The following CPNE3 variants were observed in gnomAD, a reference collection of about 807,000 sequenced individuals.
CPNE3 encodes the protein copine 3.
In CPNE3, 68 loss-of-function variants were observed where a neutral mutation model predicts 63.9. That is an observed-to-expected ratio of 1.06 (90% CI 0.87 to 1.30). CPNE3 has a LOEUF of 1.30. Among genes scored for constraint, CPNE3 ranks in the 50% most tolerant of loss-of-function variants. The pLI, the probability that CPNE3 is intolerant of heterozygous loss-of-function variation, is 0.00. For synonymous variants in CPNE3, 219 were observed against 197.5 expected, an observed-to-expected ratio of 1.11 and a Z score of -0.91; for missense variants, 665 against 578.1, an observed-to-expected ratio of 1.15 and a Z score of -1.54.
At chr8:86,536,725 C>G (rs9650129) in intron 6 of CPNE3, among the ~76,000 whole-genome samples, 36,866 of 152,006 alleles carry the variant, frequency 0.24, 4,645 homozygotes, top group Non-Finnish European at 0.27. Context: ...TAAATGTTAA[C>G]GAGTATGCAC....
chr8:86,553,124 G>A (rs1030138745), intron 14 of CPNE3, among the ~76,000 whole-genome samples: 8 of 151,486 alleles, frequency 5.3e-5, no homozygotes, highest in Admixed American at 6.6e-5. Flanking sequence ...TCTGCCTCCC[G>A]AAGTGCTGAG....
At chr8:86,517,952 A>G (rs1392811859) in intron 2 of CPNE3, among the ~76,000 whole-genome samples, 8 of 152,192 alleles carry the variant, frequency 5.3e-5, no homozygotes, top group Non-Finnish European at 1.0e-4. Context: ...AAAACAGCTG[A>G]AACGATGTGT....
At chr8:86,550,742 C>T (rs367667905) in intron 12 of CPNE3, among the ~76,000 whole-genome samples, 5 of 152,168 alleles carry the variant, frequency 3.3e-5, no homozygotes, top group African/African-American at 1.2e-4. Flanking sequence ...TTTATTTACT[C>T]ATTTGATCAC....
Position 86,560,152 on chromosome 8 carries a change from A to C in CPNE3, c.*1742A>C, listed in dbSNP as rs1030500526. 1.3e-5 allele frequency: 2 copies of C among 152,196 alleles called. No homozygotes were observed. Among genetic ancestry groups the C allele is most frequent in the African/African-American group, 2.4e-5 (1 of 41,428 alleles). The allele number at this position is 152,196 out of a possible 1,614,324, so 9.4% of individuals were successfully genotyped here. A position where few individuals can be genotyped will look rare whatever the true frequency, so the allele number is the denominator to read the frequency against. On this transcript the variant is annotated 3_prime_UTR_variant, in exon 17 of 17. Transcript: ENST00000517490. ...CATAGTATGGCTCAATAGATGACACATCATTTTGACATTATCAATAGGAGA... is the reference window on the plus strand; with the variant it reads ...CATAGTATGGCTCAATAGATGACACCTCATTTTGACATTATCAATAGGAGA...
At chr8:86,535,204 T>G (rs1820776574) in intron 6 of CPNE3, among the ~76,000 whole-genome samples, 2 of 152,166 alleles carry the variant, frequency 1.3e-5, no homozygotes, top group South Asian at 4.1e-4. Context: ...GAACCTTACT[T>G]TATTTTGGTG....
At chr8:86,528,223 T>G (rs1820582738) in intron 2 of CPNE3, among the ~76,000 whole-genome samples, 1 of 152,132 alleles carries the variant, frequency 6.6e-6, no homozygotes, top group South Asian at 2.1e-4. Flanking sequence ...GTGCTGGGAT[T>G]ACAGGCATGA....
At chr8:86,553,749 G>GT (rs35185836) in intron 14 of CPNE3, among the ~76,000 whole-genome samples, 42,611 of 137,646 alleles carry the variant, frequency 0.31, 6,711 homozygotes, top group Non-Finnish European at 0.35. Context: ...TTTACATTAA[G>GT]TTTTTTTTTT....
intron 16 of CPNE3, 123 bp from the exon 17 acceptor site, chr8:86,558,165 G>C: frequency 4.4e-6 from 3 of 683,596 alleles, no homozygotes; most frequent in Non-Finnish European, 5.2e-6. Flanking sequence ...CCTAAGAAAA[G>C]GTACAGGCCT....
intron 11 of CPNE3, 37 bp from the exon 12 acceptor site, chr8:86,548,264 C>A (rs1274269318): frequency 1.9e-6 from 3 of 1,610,100 alleles, no homozygotes; most frequent in Admixed American, 1.7e-5. Context: ...GTGTCCCTGC[C>A]TTCTCCTTAC....
chr8:86,550,909 T>G, intron 12 of CPNE3, 137 bp from the exon 13 acceptor site: 1 of 793,190 alleles, frequency 1.3e-6, no homozygotes, highest in Non-Finnish European at 1.9e-6. Flanking sequence ...TTGATTCTCT[T>G]TGGCAGTTAA....
intron 7 of CPNE3, among the ~76,000 whole-genome samples, chr8:86,539,924 CA>C (rs1452557846): frequency 1.3e-5 from 2 of 152,094 alleles, no homozygotes; most frequent in Admixed American, 1.3e-4. Context: ...CTCGGCCTCC[CA>C]AAGTGTGGGG....
chr8:86,517,235 C>T (rs1820335679), intron 2 of CPNE3, among the ~76,000 whole-genome samples: 1 of 152,042 alleles, frequency 6.6e-6, no homozygotes, highest in African/African-American at 2.4e-5. Flanking sequence ...ATTATGGTCA[C>T]ATTTACCAAT....
chr8:86,558,091 G>A (rs867422768), intron 16 of CPNE3, among the ~76,000 whole-genome samples, 197 bp from the exon 17 acceptor site: 1 of 152,110 alleles, frequency 6.6e-6, no homozygotes, highest in Admixed American at 6.5e-5. Flanking sequence ...ATGTTAGCAG[G>A]GATAGTAATA....
At chr8:86,553,498 T>G (rs542875397) in intron 14 of CPNE3, among the ~76,000 whole-genome samples, 7 of 152,216 alleles carry the variant, frequency 4.6e-5, no homozygotes, top group Non-Finnish European at 1.0e-4. Context: ...ACAGTTGCTA[T>G]AATTGCCTAC....
Position 86,548,294 on chromosome 8 carries a change from T to C in CPNE3, c.880-7T>C. The stretch of plus-strand genomic sequence containing the variant: ...CCTTACTAAGGGCTGCAATTGTTAT[T>C]TGGCAGGTGGGAGTGGACTTCACTG... On this transcript the variant is annotated splice_polypyrimidine_tract_variant and splice_region_variant and intron_variant, in intron 11 of 16. Coordinates refer to ENST00000517490, the MANE Select transcript of CPNE3 (RefSeq NM_003909.5). 6.2e-7 allele frequency: 1 copy of C among 1,613,616 alleles called. No homozygotes were observed. Among genetic ancestry groups the C allele is most frequent in the Non-Finnish European group, 8.5e-7 (1 of 1,179,892 alleles).
In CPNE3 at chr8:86,546,654, A is replaced by C. The variant is rs1167081734; in HGVS notation, c.792A>C (p.Ser264=). 3 of 1,613,626 alleles carry C rather than the reference A, an allele frequency of 1.9e-6. No individual in the cohort carries two copies. The highest frequency in any genetic ancestry group is 2.5e-6 in the Non-Finnish European group (3 of 1,179,882). The part of the protein sequence containing the change: ...KRQKKKSYKN[S]GVISVKQCEI... Reference sequence around the variant, plus strand: ...AAAAGAAAAAAAGCTACAAGAATTCAGGTGTTATCAGTGTGAAACAGTGTG... The same window carrying C: ...AAAAGAAAAAAAGCTACAAGAATTCCGGTGTTATCAGTGTGAAACAGTGTG... The change falls in exon 10 of 17, where the codon TCA becomes TCC. Residue 264 remains serine (S), a synonymous_variant. Transcript: ENST00000517490.
At chr8:86,524,249 G>A (rs1186124907) in intron 2 of CPNE3, among the ~76,000 whole-genome samples, 3 of 152,160 alleles carry the variant, frequency 2.0e-5, no homozygotes, top group South Asian at 2.1e-4. Flanking sequence ...AAAAGAGGAA[G>A]TAGATAAGAC....
chr8:86,550,228 A>G (rs990446521), intron 12 of CPNE3, among the ~76,000 whole-genome samples: 1 of 152,186 alleles, frequency 6.6e-6, no homozygotes, highest in Non-Finnish European at 1.5e-5. Flanking sequence ...AGTTGAAGAC[A>G]GACTACAAAC....
chr8:86,542,777 T>A (rs1320203564), intron 8 of CPNE3, among the ~76,000 whole-genome samples: 2 of 152,048 alleles, frequency 1.3e-5, no homozygotes, highest in Non-Finnish European at 2.9e-5. Context: ...AAATATCATG[T>A]CTGCCTTCAA....
Sources: allele counts gnomAD v4.1 joint callset (sites outside exome capture counted in the v4.1 genomes callset), GRCh38; gene constraint gnomAD v4.1.1; transcripts MANE v1.5; gene names NCBI Gene and HGNC (gene_info 2026-07-23, HGNC 2026-07-21).